The following NPRL3 variants were observed in gnomAD, a reference collection of about 807,000 sequenced individuals.
NPRL3 encodes GATOR1 complex protein NPRL3.
A neutral mutation model predicts 57.2 loss-of-function variants in NPRL3; 23 were observed. The observed-to-expected ratio is 0.40, with a 90% CI of 0.29 to 0.57. NPRL3 has a LOEUF of 0.57. Among genes scored for constraint, NPRL3 ranks in the 20% least tolerant of loss-of-function variants. The pLI is 0.42. For missense variants in NPRL3, 691 were observed against 767.1 expected, an observed-to-expected ratio of 0.90 and a Z score of 1.17; for synonymous variants, 333 against 321.1, an observed-to-expected ratio of 1.04 and a Z score of -0.39.
At position 127,858 on chromosome 16, in the gene NPRL3, G is replaced by C. The variant is rs917852611; in HGVS notation, c.188+2664C>G. On this transcript the variant is annotated intron_variant, in intron 3 of 13. Coordinates refer to ENST00000611875, the MANE Select transcript of NPRL3 (RefSeq NM_001077350.3). ...TTTAGTAGAGATGGGGTTTCACCGT[G>C]TTAGCCAGGATGAGTCTCGATCTCC... Among the ~76,000 whole-genome samples, 5 of 151,222 alleles carry C rather than the reference G, an allele frequency of 3.3e-5. No individual in the cohort carries two copies. In the South Asian group the frequency reaches 6.3e-4, roughly 19 times the overall value.
At chr16:136,321 T>C (rs1325937218) in intron 2 of NPRL3, among the ~76,000 whole-genome samples, 1 of 152,220 alleles carries the variant, frequency 6.6e-6, no homozygotes, top group African/African-American at 2.4e-5. Context: ...ACATCAAAGA[T>C]GCAGACATGA....
At chr16:95,325 G>GTATATATATATA (rs780432969) in intron 9 of NPRL3, among the ~76,000 whole-genome samples, 2 of 102,224 alleles carry the variant, frequency 2.0e-5, no homozygotes, top group East Asian at 3.3e-4. Flanking sequence ...GTTTGTGTGT[G>GTATATATATATA]TATATATATA....
intron 7 of NPRL3, among the ~76,000 whole-genome samples, chr16:104,972 G>C (rs991503745): frequency 3.3e-5 from 5 of 152,194 alleles, no homozygotes; most frequent in African/African-American, 1.2e-4. Flanking sequence ...AGAGCCCTTA[G>C]CACAAGCAGG....
intron 2 of NPRL3, among the ~76,000 whole-genome samples, chr16:137,150 G>A (rs909335608): frequency 6.6e-6 from 1 of 151,914 alleles, no homozygotes; most frequent in Non-Finnish European, 1.5e-5. Flanking sequence ...AGCCCGGGAG[G>A]TGGAGGCTGC....
intron 3 of NPRL3, among the ~76,000 whole-genome samples, chr16:124,536 G>C (rs1449799190): frequency 6.6e-6 from 1 of 151,964 alleles, no homozygotes; most frequent in Non-Finnish European, 1.5e-5. Flanking sequence ...TTTCTCATCT[G>C]CATGACAAGA....
At chr16:92,330 A>G (rs1041419212) in intron 11 of NPRL3, among the ~76,000 whole-genome samples, 3 of 152,134 alleles carry the variant, frequency 2.0e-5, no homozygotes, top group Non-Finnish European at 4.4e-5. Flanking sequence ...TTCTAACACT[A>G]AAAACTGCCT....
intron 7 of NPRL3, among the ~76,000 whole-genome samples, chr16:104,614 C>T (rs1899451326): frequency 6.6e-6 from 1 of 152,222 alleles, no homozygotes; most frequent in African/African-American, 2.4e-5. Context: ...ATGTTGGTTC[C>T]TCTAACTTCC....
intron 2 of NPRL3, among the ~76,000 whole-genome samples, 194 bp downstream of exon 2, chr16:137,956 G>A (rs1039214887): frequency 7.2e-5 from 11 of 151,994 alleles, no homozygotes; most frequent in Non-Finnish European, 1.3e-4. Context: ...AATGTCAGCA[G>A]TAGTTGCTTT....
At chr16:129,063 G>T (rs371778637) in intron 3 of NPRL3, among the ~76,000 whole-genome samples, 1 of 152,178 alleles carries the variant, frequency 6.6e-6, no homozygotes, top group Non-Finnish European at 1.5e-5. Flanking sequence ...TCTTCATTAC[G>T]TTAAATATTA....
In NPRL3 at chr16:117,348, T is replaced by G. The variant is rs564141900; in HGVS notation, c.346A>C (p.Arg116=). 32 of 1,611,210 alleles carry G rather than the reference T, an allele frequency of 2.0e-5. 1 individual carries two copies. In the South Asian group the frequency reaches 3.3e-4, roughly 17 times the overall value. Residue 116 remains arginine, a synonymous_variant, in exon 5 of 14, where the codon AGG becomes CGG. Transcript: ENST00000611875. The stretch of plus-strand genomic sequence containing the variant: ...AAAAGAATCATAGTAGGTGCTTCCC[T>G]CTTCGGGGAAGGATCTGTTTTGGAG... The part of the protein sequence containing the change: ...QISKTDPSPK[R]EAPTMILFNV...
At position 134,667 on chromosome 16, in the gene NPRL3, T is replaced by G. The variant is rs1186921734; in HGVS notation, c.118+3483A>C. 2.0e-5 allele frequency among the ~76,000 whole-genome samples: 3 copies of G among 150,102 alleles called. No individual in the cohort carries two copies. The East Asian group carries it at 5.9e-4, about 29-fold the overall frequency. On this transcript the variant is annotated intron_variant, in intron 2 of 13. Coordinates refer to ENST00000611875, the MANE Select transcript of NPRL3 (RefSeq NM_001077350.3). ...CAAGTGACTAACCTTACGGATAGTATAACATAAAGTCACAGTAATTATTAT... is the reference window on the plus strand; with the variant it reads ...CAAGTGACTAACCTTACGGATAGTAGAACATAAAGTCACAGTAATTATTAT...
At chr16:136,982 T>C (rs1377781528) in intron 2 of NPRL3, among the ~76,000 whole-genome samples, 1 of 144,736 alleles carries the variant, frequency 6.9e-6, no homozygotes, top group Admixed American at 7.1e-5. Context: ...CCGAGGCAGG[T>C]AGATCATTTG....
Position 92,623 on chromosome 16 carries a change from C to T in NPRL3, c.1134G>A (p.Arg378=). Residue 378 remains arginine (R), a synonymous_variant, in exon 11 of 14, where the codon AGG becomes AGA. Coordinates refer to ENST00000611875, the MANE Select transcript of NPRL3 (RefSeq NM_001077350.3). ...CCTGCACAGCGGGGGCCAGGGGATT[C>T]CTAAATTCTGACAAGGAGACCGGCA... ...FSLPVSLSEF[R]NPLAPAVQET... 6.2e-7 allele frequency: 1 copy of T among 1,613,462 alleles called. No individual in the cohort carries two copies. Among genetic ancestry groups the T allele is most frequent in the Non-Finnish European group, 8.5e-7 (1 of 1,179,702 alleles).
intron 10 of NPRL3, chr16:92,944 C>A: frequency 1.6e-6 from 1 of 631,992 alleles, no homozygotes; most frequent in Non-Finnish European, 2.8e-6. Flanking sequence ...CATCCTGCAT[C>A]TCACCTCTGA....
intron 7 of NPRL3, among the ~76,000 whole-genome samples, chr16:108,081 C>T (rs1211053333): frequency 6.6e-6 from 1 of 152,180 alleles, no homozygotes; most frequent in Non-Finnish European, 1.5e-5. Flanking sequence ...AAAGCAATCA[C>T]CTGGCAAGGG....
intron 7 of NPRL3, among the ~76,000 whole-genome samples, chr16:103,843 C>T (rs560536071): frequency 2.0e-5 from 3 of 152,174 alleles, no homozygotes; most frequent in Admixed American, 1.3e-4. Context: ...GGCCGGGTGC[C>T]GTGGCTCACA....
chr16:97,659 TAC>T (rs1899076756), intron 9 of NPRL3, among the ~76,000 whole-genome samples: 1 of 152,112 alleles, frequency 6.6e-6, no homozygotes, highest in South Asian at 2.1e-4. Context: ...TGGCATCTTG[TAC>T]AGAGTGCACA....
At chr16:92,769 ACCGT>A in intron 10 of NPRL3, 44 bp from the exon 11 acceptor site, 1 of 1,606,272 alleles carries the variant, frequency 6.2e-7, no homozygotes, top group Non-Finnish European at 8.5e-7. Flanking sequence ...AGACCCCCCC[ACCGT>A]GTTCTCAACA....
Position 89,823 on chromosome 16 carries a change from G to T in NPRL3, c.1241C>A (p.Ala414Asp). 6.3e-7 allele frequency: 1 copy of T among 1,588,280 alleles called. No individual in the cohort carries two copies. The highest frequency in any genetic ancestry group is 1.3e-5 in the African/African-American group (1 of 74,322). Residue 414 changes from alanine (A) to aspartate (D), a missense_variant, in exon 12 of 14, where the codon GCC becomes GAC. Ala to Asp is a moderately radical substitution (Grantham distance 126). Transcript: ENST00000611875. ...IQLHTYVCLM[A>D]SPSEEEPRPR... ...ACGGGGCTCCTCCTCGCTGGGTGAG[G>T]CCATCAGGCAGACATAGGTGTGCAG... is the stretch of plus-strand genomic sequence containing the variant.
Sources: allele counts gnomAD v4.1 joint callset (sites outside exome capture counted in the v4.1 genomes callset), GRCh38; gene constraint gnomAD v4.1.1; transcripts MANE v1.5; gene names NCBI Gene and HGNC (gene_info 2026-07-23, HGNC 2026-07-21).